Variants in FGD3 observed in about 807,000 individuals in gnomAD.
FGD3 encodes FYVE, RhoGEF and PH domain containing 3, also known as FYVE, RhoGEF and PH domain-containing protein 3.
A neutral mutation model predicts 71.8 loss-of-function variants in FGD3; 45 were observed. The observed-to-expected ratio is 0.63, with a 90% CI of 0.49 to 0.80. The LOEUF is 0.80. Ranked by LOEUF, FGD3 falls within the 30% of genes least tolerant of loss-of-function variation. The probability of loss-of-function intolerance (pLI) is 0.00; values close to 1 mark genes in which losing one functional copy is unlikely to be tolerated. For synonymous variants in FGD3, 378 were observed against 392.8 expected (o/e 0.96, Z 0.44); for missense variants, 844 against 951.5 (o/e 0.89, Z 1.49).
chr9:93,015,391 G>A (rs1164814190), intron 9 of FGD3, among the ~76,000 whole-genome samples: 1 of 152,112 alleles, frequency 6.6e-6, no homozygotes, highest in Non-Finnish European at 1.5e-5. Flanking sequence ...GGGAGACGGA[G>A]TTTGCAGTGA....
chr9:92,971,938 C>T (rs1169151193), intron 1 of FGD3, among the ~76,000 whole-genome samples: 1 of 126,498 alleles, frequency 7.9e-6, no homozygotes, highest in Non-Finnish European at 1.7e-5. Context: ...ACCTCCCCAG[C>T]CCCCTCCACC....
chr9:92,996,537 C>A (rs746562495), intron 3 of FGD3, among the ~76,000 whole-genome samples: 10 of 152,164 alleles, frequency 6.6e-5, no homozygotes, highest in Non-Finnish European at 1.5e-4. Flanking sequence ...TGTGTTTGCT[C>A]TTGCTTCTCT....
intron 1 of FGD3, among the ~76,000 whole-genome samples, chr9:92,948,934 A>G (rs548638407): frequency 6.6e-6 from 1 of 152,290 alleles, no homozygotes; most frequent in Non-Finnish European, 1.5e-5. Flanking sequence ...TGTCCCAAGT[A>G]TCCCTCCTCA....
At chr9:92,962,539 G>T (rs1027868194) in intron 1 of FGD3, among the ~76,000 whole-genome samples, 1 of 152,180 alleles carries the variant, frequency 6.6e-6, no homozygotes, top group East Asian at 1.9e-4. Context: ...TTGGTGGCTG[G>T]GATCCCTTGA....
Position 92,962,835 on chromosome 9 carries a change from G to T in FGD3, c.-217-12403G>T, listed in dbSNP as rs1422312630. On this transcript the variant is annotated intron_variant, in intron 1 of 17. Transcript: ENST00000375482. ...GGGCACCTATAATCCCAGCTACTTG[G>T]AAGGATGAGGCAGGAGAATCTTTGA... 3.3e-5 allele frequency among the ~76,000 whole-genome samples: 5 copies of T among 151,136 alleles called. No homozygotes were observed. In the Admixed American group the frequency reaches 3.3e-4, roughly 10 times the overall value.
At chr9:93,018,899 G>A (rs1351958058) in intron 11 of FGD3, among the ~76,000 whole-genome samples, 9 of 152,082 alleles carry the variant, frequency 5.9e-5, no homozygotes, top group Admixed American at 5.9e-4. Flanking sequence ...AGGCTGGAGT[G>A]CAGTGGCACA....
chr9:93,019,676 G>C (rs996696558), intron 11 of FGD3, among the ~76,000 whole-genome samples, 155 bp from the exon 12 acceptor site: 4 of 152,238 alleles, frequency 2.6e-5, no homozygotes, highest in Non-Finnish European at 4.4e-5. Flanking sequence ...ACCAGGCCAC[G>C]AGTGTTTTGA....
At chr9:93,029,013 T>TG (rs1862250154) in intron 14 of FGD3, among the ~76,000 whole-genome samples, 1 of 121,336 alleles carries the variant, frequency 8.2e-6, no homozygotes, top group Non-Finnish European at 1.7e-5. Context: ...TTTTTTTTTT[T>TG]TTTTTTTTTT....
intron 3 of FGD3, among the ~76,000 whole-genome samples, chr9:92,984,014 A>C (rs1446209417): frequency 6.6e-6 from 1 of 152,224 alleles, no homozygotes; most frequent in Non-Finnish European, 1.5e-5. Context: ...CTGGTAAGTA[A>C]GCAATTCTAA....
intron 3 of FGD3, among the ~76,000 whole-genome samples, chr9:92,978,230 C>T (rs1564147817): frequency 1.4e-5 from 2 of 147,008 alleles, no homozygotes; most frequent in Admixed American, 6.9e-5. Context: ...TGCGGTGAGC[C>T]GATATCACAC....
chr9:93,022,664 T>A (rs1442035865), intron 14 of FGD3, among the ~76,000 whole-genome samples: 1 of 152,154 alleles, frequency 6.6e-6, no homozygotes, highest in Non-Finnish European at 1.5e-5. Flanking sequence ...GGATGTCCAT[T>A]ACCTGGTTGG....
chr9:92,958,941 T>G (rs1859115223), intron 1 of FGD3, among the ~76,000 whole-genome samples: 1 of 152,202 alleles, frequency 6.6e-6, no homozygotes. Context: ...TTGTCTTGCT[T>G]TTGAAATTTA....
chr9:92,976,062 A>G, intron 2 of FGD3, 146 bp from the exon 3 acceptor site: 1 of 549,276 alleles, frequency 1.8e-6, no homozygotes, highest in Non-Finnish European at 3.2e-6. Flanking sequence ...GGGCATTCAC[A>G]CTTCACACAC....
intron 15 of FGD3, among the ~76,000 whole-genome samples, chr9:93,030,918 G>T (rs952859463): frequency 2.0e-5 from 3 of 152,226 alleles, no homozygotes; most frequent in Middle Eastern, 3.4e-3. Context: ...AATGGAAGTG[G>T]ATATATAGGA....
At chr9:93,019,428 C>T (rs983998904) in intron 11 of FGD3, among the ~76,000 whole-genome samples, 2 of 152,192 alleles carry the variant, frequency 1.3e-5, no homozygotes, top group South Asian at 2.1e-4. Context: ...TAATTGTAGC[C>T]GTCAGATTGC....
rs887971721 is a variant in FGD3, at chr9:93,001,193, AT to A, written c.454-1723del. Among the ~76,000 whole-genome samples, 20 of 151,092 alleles carry A rather than the reference AT, an allele frequency of 1.3e-4. No homozygotes were observed. The East Asian group carries it at 1.4e-3, about 10-fold the overall frequency. On this transcript the variant is annotated intron_variant, in intron 3 of 17. Transcript: ENST00000375482. ...CACTTTGTTCATGCATCATTTCCTG[AT>A]TTTTTTTTAAAGTCATCTATCTGTT...
chr9:93,032,057 A>T (rs1862376983), intron 15 of FGD3, among the ~76,000 whole-genome samples: 1 of 152,200 alleles, frequency 6.6e-6, no homozygotes, highest in Non-Finnish European at 1.5e-5. Flanking sequence ...TCTGAATCAC[A>T]TTCCACTGTA....
At chr9:93,027,190 C>T (rs1587870256) in intron 14 of FGD3, among the ~76,000 whole-genome samples, 1 of 152,346 alleles carries the variant, frequency 6.6e-6, no homozygotes, top group African/African-American at 2.4e-5. Flanking sequence ...GCTCCTGTGC[C>T]AAGCAGGACA....
intron 3 of FGD3, among the ~76,000 whole-genome samples, chr9:92,997,682 C>G (rs1175734358): frequency 6.6e-6 from 1 of 152,152 alleles, no homozygotes; most frequent in Non-Finnish European, 1.5e-5. Context: ...GTAACAAAAC[C>G]TCTCAGCATT....
Sources: allele counts gnomAD v4.1 joint callset (sites outside exome capture counted in the v4.1 genomes callset), GRCh38; gene constraint gnomAD v4.1.1; transcripts MANE v1.5; gene names NCBI Gene and HGNC (gene_info 2026-07-23, HGNC 2026-07-21).